SMC2: variants seen among roughly 807,000 people sequenced by gnomAD.
SMC2 encodes structural maintenance of chromosomes 2, also known as structural maintenance of chromosomes protein 2.
Under a neutral mutation model 142.6 loss-of-function variants are expected in SMC2, and 41 were observed. The ratio of observed to expected loss-of-function variants is 0.29; its 90% CI spans 0.22 to 0.37. The LOEUF is 0.37. SMC2 is among the 10% of genes least tolerant of loss of function. SMC2 has a pLI of 1.00. For missense variants in SMC2, 1,265 were observed against 1,373.7 expected (o/e 0.92, Z 1.25); for synonymous variants, 463 against 457.5 (o/e 1.01, Z -0.15).
intron 18 of SMC2, among the ~76,000 whole-genome samples, chr9:104,126,274 GGA>G (rs1367406671): frequency 2.0e-5 from 3 of 152,026 alleles, no homozygotes; most frequent in African/African-American, 7.2e-5. Context: ...GGCTATAGTG[GGA>G]AAGAAGAATA....
rs3739739 is a variant in SMC2 at position 104,118,113 on chromosome 9, C to A, written c.1792-58C>A. The A allele has an allele frequency of 0.017, 23,482 of 1,351,722 alleles. 1,225 individuals are homozygous for A. In the African/African-American group the frequency reaches 0.18, roughly 10 times the overall value. 83.7% of individuals were successfully genotyped at this position (1,351,722 alleles called of 1,614,324 possible). The stretch of plus-strand genomic sequence containing the variant: ...AGCAGTTTTTACTGGTTTATAAAAT[C>A]ATATCTGAAAGGAAAAGTAGTAGTA... On this transcript the variant is annotated intron_variant, in intron 14 of 24. Coordinates refer to ENST00000374793, the MANE Select transcript of SMC2 (RefSeq NM_006444.3).
Position 104,120,156 on chromosome 9 carries a change from C to G in SMC2, c.2126C>G (p.Ala709Gly), listed in dbSNP as rs754721023. The G allele has an allele frequency of 6.2e-7, 1 of 1,605,246 alleles. No homozygotes were observed. The highest frequency in any genetic ancestry group is 8.5e-7 in the Non-Finnish European group (1 of 1,177,354). Residue 709 changes from alanine to glycine, a missense_variant, in exon 16 of 25, where the codon GCT becomes GGT. Physicochemically the swap from Ala to Gly is moderately conservative, Grantham distance 60. Coordinates refer to ENST00000374793, the MANE Select transcript of SMC2 (RefSeq NM_006444.3). The part of the protein sequence containing the change: ...EEELAGLKNT[A>G]EKYRQLKQQW... ...GAATTAGCAGGTCTTAAAAACACTG[C>G]TGAAAAGTAAGAACTGCATATACTT...
upstream of SMC2, chr9:104,091,970 G>T (rs1366369251): frequency 6.6e-6 from 1 of 152,176 alleles, no homozygotes; most frequent in Non-Finnish European, 1.5e-5. Flanking sequence ...AATCCATGGT[G>T]ATGAAGCAAG....
At chr9:104,136,599 T>G in intron 23 of SMC2, among the ~76,000 whole-genome samples, 1 of 152,140 alleles carries the variant, frequency 6.6e-6, no homozygotes, top group Non-Finnish European at 1.5e-5. Flanking sequence ...CAGAATTTTT[T>G]TTTTAAGATT....
At chr9:104,135,308 T>TA (rs967843847) in intron 23 of SMC2, among the ~76,000 whole-genome samples, 5 of 151,740 alleles carry the variant, frequency 3.3e-5, no homozygotes, top group African/African-American at 4.8e-5. Flanking sequence ...TTCTAGAGAT[T>TA]AAAAAAAAGT....
At chr9:104,095,764 A>C (rs1830384636) in intron 2 of SMC2, among the ~76,000 whole-genome samples, 4 of 152,240 alleles carry the variant, frequency 2.6e-5, no homozygotes, top group African/African-American at 9.6e-5. Context: ...CTCAAAACTC[A>C]GGCATTCTGA....
In SMC2 at chr9:104,141,200, A is replaced by C. The variant is rs537040015; in HGVS notation, c.*1885A>C. Reference sequence around the variant, plus strand: ...ATGTATTGTCATATTTAATCCTCAGAGTAACCTAGTGAGGTAAATACTGTT... The same window carrying C: ...ATGTATTGTCATATTTAATCCTCAGCGTAACCTAGTGAGGTAAATACTGTT... On this transcript the variant is annotated 3_prime_UTR_variant, in exon 25 of 25. Coordinates refer to ENST00000374793, the MANE Select transcript of SMC2 (RefSeq NM_006444.3). The C allele has an allele frequency of 6.6e-6, 1 of 152,288 alleles. No homozygotes were observed. The highest frequency in any genetic ancestry group is 2.4e-5 in the African/African-American group (1 of 41,564). The allele number at this position is 152,288 out of a possible 1,614,324, so 9.4% of individuals were successfully genotyped here.
intron 9 of SMC2, 78 bp downstream of exon 9, chr9:104,102,651 T>C: frequency 2.2e-6 from 3 of 1,382,338 alleles, no homozygotes; most frequent in Non-Finnish European, 2.9e-6. Context: ...ATCTATTCCA[T>C]GAATATTTAG....
chr9:104,127,104 T>G (rs1389072636), intron 19 of SMC2, among the ~76,000 whole-genome samples, 182 bp from the exon 20 acceptor site: 8 of 152,190 alleles, frequency 5.3e-5, no homozygotes, highest in Non-Finnish European at 1.5e-5. Flanking sequence ...CCAAGTTTTC[T>G]TCTGTGTATA....
At chr9:104,110,597 A>G (rs892539049) in intron 9 of SMC2, among the ~76,000 whole-genome samples, 23 of 94,554 alleles carry the variant, frequency 2.4e-4, no homozygotes, top group Non-Finnish European at 4.1e-4. Context: ...TTAAGGATCA[A>G]CTAAATAATT....
At chr9:104,133,121 C>CT (rs202125310) in intron 22 of SMC2, among the ~76,000 whole-genome samples, 2,442 of 152,142 alleles carry the variant, frequency 0.016, 89 homozygotes, top group African/African-American at 0.056. Flanking sequence ...GTATTCTAGG[C>CT]TTTTTTTGTT....
At chr9:104,099,953 A>C (rs1830924484) in intron 5 of SMC2, 140 bp from the exon 6 acceptor site, 5 of 637,526 alleles carry the variant, frequency 7.8e-6, no homozygotes, top group Non-Finnish European at 1.4e-5. Context: ...TGAAATTACT[A>C]TATTTAACCT....
At chr9:104,123,069 A>G (rs200451964) in intron 16 of SMC2, 39 bp from the exon 17 acceptor site, 44 of 1,582,142 alleles carry the variant, frequency 2.8e-5, no homozygotes, top group Admixed American at 1.7e-4. Flanking sequence ...AATACCAGAA[A>G]AATGACAGTC....
chr9:104,114,501 A>G (rs1462551933), intron 12 of SMC2, among the ~76,000 whole-genome samples, 190 bp from the exon 13 acceptor site: 1 of 151,980 alleles, frequency 6.6e-6, no homozygotes, highest in Non-Finnish European at 1.5e-5. Context: ...TGAAAGATCT[A>G]TTGTGATTTA....
Position 104,139,943 on chromosome 9 carries a change from A to C in SMC2, c.*628A>C, listed in dbSNP as rs1175909939. The C allele has an allele frequency of 6.6e-6, 1 of 151,724 alleles. No individual in the cohort carries two copies. The highest frequency in any genetic ancestry group is 1.5e-5 in the Non-Finnish European group (1 of 67,960). The allele number at this position is 151,724 out of a possible 1,614,324, so 9.4% of individuals were successfully genotyped here. A position where few individuals can be genotyped will look rare whatever the true frequency, so the allele number is the denominator to read the frequency against. ...TAATTGGTCTCTACGTTTTAATGAT[A>C]CATGAATATCATGTTCCTATACGCT... is the stretch of plus-strand genomic sequence containing the variant. On this transcript the variant is annotated 3_prime_UTR_variant, in exon 25 of 25. Transcript: ENST00000374793.
intron 9 of SMC2, among the ~76,000 whole-genome samples, chr9:104,102,901 A>G (rs760116608): frequency 6.6e-6 from 1 of 152,160 alleles, no homozygotes; most frequent in Non-Finnish European, 1.5e-5. Flanking sequence ...TAGCCACTGA[A>G]GTAAGTGGAG....
At chr9:104,126,525 A>G (rs1820509993) in intron 18 of SMC2, 116 bp from the exon 19 acceptor site, 4 of 704,724 alleles carry the variant, frequency 5.7e-6, no homozygotes, top group South Asian at 2.7e-5. Context: ...GCTGAGTGGT[A>G]ACAAAGCTGT....
intron 18 of SMC2, among the ~76,000 whole-genome samples, chr9:104,125,778 T>TAATGCCAAA (rs1243577682): frequency 6.6e-6 from 1 of 152,230 alleles, no homozygotes. Flanking sequence ...ATCTTTTAGC[T>TAATGCCAAA]AATGCCAAAG....
At chr9:104,132,853 T>TC (rs1835133774) in intron 22 of SMC2, among the ~76,000 whole-genome samples, 1 of 151,874 alleles carries the variant, frequency 6.6e-6, no homozygotes, top group Non-Finnish European at 1.5e-5. Context: ...TTTTTTTTTT[T>TC]CTTTTTTCCC....
Sources: gnomAD v4.1 joint callset for allele counts (sites outside exome capture counted in the v4.1 genomes callset) on GRCh38, gnomAD v4.1.1 for gene constraint, MANE v1.5 for transcripts, NCBI Gene and HGNC (gene_info 2026-07-23, HGNC 2026-07-21) for gene names.